Variants in RPA1 observed in about 807,000 individuals in gnomAD.
The protein encoded by RPA1 is replication protein A 70 kDa DNA-binding subunit.
In RPA1, 49 loss-of-function variants were observed where a neutral mutation model predicts 83.0. The ratio of observed to expected loss-of-function variants is 0.59; its 90% CI spans 0.47 to 0.75. The LOEUF (loss-of-function observed/expected upper bound fraction) is 0.75. Ranked by LOEUF, RPA1 falls within the 30% of genes least tolerant of loss-of-function variation. The pLI is 0.00. For missense variants in RPA1, 693 were observed against 776.1 expected (o/e 0.89, Z 1.27); for synonymous variants, 279 against 281.8 (o/e 0.99, Z 0.10).
intron 12 of RPA1, among the ~76,000 whole-genome samples, chr17:1,881,209 C>T (rs180897451): frequency 5.9e-5 from 9 of 152,290 alleles, no homozygotes; most frequent in Admixed American, 1.3e-4. Context: ...AATCTCCTCA[C>T]TGTATCTAGC....
intron 5 of RPA1, among the ~76,000 whole-genome samples, chr17:1,863,873 C>G (rs1567813979): frequency 6.6e-6 from 1 of 151,954 alleles, no homozygotes; most frequent in Non-Finnish European, 1.5e-5. Flanking sequence ...AGATGATGGT[C>G]AATCATGAAT....
At chr17:1,835,372 G>A (rs565628622) in intron 1 of RPA1, among the ~76,000 whole-genome samples, 37 of 151,618 alleles carry the variant, frequency 2.4e-4, no homozygotes, top group Non-Finnish European at 5.2e-4. Flanking sequence ...GCCTAAGCTG[G>A]TCTCTAACTC....
At chr17:1,835,658 G>A (rs1911789713) in intron 1 of RPA1, among the ~76,000 whole-genome samples, 1 of 151,976 alleles carries the variant, frequency 6.6e-6, no homozygotes, top group South Asian at 2.1e-4. Flanking sequence ...ATCCTTCTTA[G>A]TACCTCAAAC....
At chr17:1,850,605 A>G (rs1912458236) in intron 4 of RPA1, among the ~76,000 whole-genome samples, 1 of 151,180 alleles carries the variant, frequency 6.6e-6, no homozygotes, top group African/African-American at 2.4e-5. Flanking sequence ...TGCCTTAAAA[A>G]AAAATCCTAG....
intron 4 of RPA1, among the ~76,000 whole-genome samples, chr17:1,845,498 C>T (rs1778211774): frequency 1.3e-5 from 2 of 151,964 alleles, no homozygotes; most frequent in South Asian, 2.1e-4. Flanking sequence ...ATTGCACCGC[C>T]GCACTTCAGC....
In RPA1 at chr17:1,884,760, C is replaced by T. The variant is rs1349051746; in HGVS notation, c.1374+816C>T. ...CCACTCTTTCGGTTCTCTGTAATCC[C>T]AGCTACCCAGGAGGCTGAGGCAGGT... is the stretch of plus-strand genomic sequence containing the variant. On this transcript the variant is annotated intron_variant, in intron 13 of 16. Transcript: ENST00000254719. The surrounding 1 kb of genome is among the most constrained non-coding windows in gnomAD (Gnocchi z 4.1). 1.3e-5 allele frequency among the ~76,000 whole-genome samples: 2 copies of T among 152,170 alleles called. No homozygotes were observed. Among genetic ancestry groups the T allele is most frequent in the Admixed American group, 6.5e-5 (1 of 15,272 alleles).
rs550026229 is a variant in RPA1, at chr17:1,882,960, T to C, written c.1242-852T>C. Among the ~76,000 whole-genome samples, 7 of 152,314 alleles carry C rather than the reference T, an allele frequency of 4.6e-5. No individual in the cohort carries two copies. In the South Asian group the frequency reaches 1.4e-3, roughly 32 times the overall value. On this transcript the variant is annotated intron_variant, in intron 12 of 16. Transcript: ENST00000254719. ...AAAAGATTCTTTGGTACTTTGGCAC[T>C]GATTCTCTTCACCACTGGGGGGCAT... is the stretch of plus-strand genomic sequence containing the variant.
chr17:1,861,902 TA>T (rs1348963069), intron 5 of RPA1, among the ~76,000 whole-genome samples: 5 of 151,778 alleles, frequency 3.3e-5, no homozygotes, highest in African/African-American at 7.3e-5. Flanking sequence ...TTTTTGTTTT[TA>T]TTTTTTTATT....
At chr17:1,861,485 TA>T (rs1342818462) in intron 5 of RPA1, among the ~76,000 whole-genome samples, 1 of 152,220 alleles carries the variant, frequency 6.6e-6, no homozygotes, top group African/African-American at 2.4e-5. Context: ...TACGTAGTTT[TA>T]AAAGTTGAAT....
At chr17:1,868,628 A>C (rs920215141) in intron 5 of RPA1, among the ~76,000 whole-genome samples, 2 of 152,116 alleles carry the variant, frequency 1.3e-5, no homozygotes, top group South Asian at 4.1e-4. Context: ...AAAATTAGCC[A>C]GGCGTGATGG....
At chr17:1,857,233 T>C (rs1912731554) in intron 5 of RPA1, among the ~76,000 whole-genome samples, 1 of 151,346 alleles carries the variant, frequency 6.6e-6, no homozygotes. Context: ...AGTTTTTAAA[T>C]GTGGGGATTT....
chr17:1,858,416 G>T, intron 5 of RPA1: 1 of 1,570,274 alleles, frequency 6.4e-7, no homozygotes, highest in Non-Finnish European at 8.8e-7. Context: ...AGGCAATGAC[G>T]ACCAACGTGT....
At chr17:1,830,385 A>G (rs1476121322) in intron 1 of RPA1, among the ~76,000 whole-genome samples, 1 of 152,202 alleles carries the variant, frequency 6.6e-6, no homozygotes, top group African/African-American at 2.4e-5. Flanking sequence ...CTTTCTCTGC[A>G]TCTTCCACCT....
intron 6 of RPA1, 41 bp from the exon 7 acceptor site, chr17:1,875,620 G>A (rs1435361287): frequency 1.8e-6 from 2 of 1,085,192 alleles, no homozygotes; most frequent in East Asian, 6.0e-5. Context: ...AAGCTAAGTA[G>A]AATAGTAATA....
chr17:1,846,083 C>T lies in RPA1; in HGVS notation c.272+1397C>T, dbSNP rs181509159. On this transcript the variant is annotated intron_variant, in intron 4 of 16. Transcript: ENST00000254719. ...GTTCTTTTTTCCTACCTCTTTATCTCTGTGTTGGTTGGATTTCACTCAATA... is the reference window on the plus strand; with the variant it reads ...GTTCTTTTTTCCTACCTCTTTATCTTTGTGTTGGTTGGATTTCACTCAATA... 3.0e-3 allele frequency among the ~76,000 whole-genome samples: 460 copies of T among 152,228 alleles called. 4 individuals carry two copies. In the Middle Eastern group the frequency reaches 0.044, roughly 15 times the overall value.
intron 4 of RPA1, 68 bp downstream of exon 4, chr17:1,844,754 C>T: frequency 8.3e-7 from 1 of 1,210,918 alleles, no homozygotes; most frequent in Non-Finnish European, 1.2e-6. Context: ...ATAAAAAAGG[C>T]AATAGTGAGT....
At chr17:1,851,378 TC>T (rs1184342433) in intron 4 of RPA1, among the ~76,000 whole-genome samples, 1 of 152,196 alleles carries the variant, frequency 6.6e-6, no homozygotes, top group Non-Finnish European at 1.5e-5. Context: ...ATCTGTAGGC[TC>T]TGCGTCTGCC....
intron 13 of RPA1, among the ~76,000 whole-genome samples, chr17:1,887,285 C>T (rs141969160): frequency 3.9e-5 from 6 of 152,070 alleles, no homozygotes; most frequent in African/African-American, 9.6e-5. Context: ...AGGCCAGGCG[C>T]GGTGGCTCAT....
intron 15 of RPA1, among the ~76,000 whole-genome samples, chr17:1,892,477 A>G (rs1472380511): frequency 6.6e-6 from 1 of 152,232 alleles, no homozygotes; most frequent in Non-Finnish European, 1.5e-5. Flanking sequence ...GTACTTTAAA[A>G]CCAAAGCACT....
Sources: gnomAD v4.1 joint callset for allele counts (sites outside exome capture counted in the v4.1 genomes callset) on GRCh38, gnomAD v4.1.1 for gene constraint, Gnocchi (gnomAD v3.1) non-coding constraint, MANE v1.5 for transcripts, NCBI Gene and HGNC (gene_info 2026-07-23, HGNC 2026-07-21) for gene names.